Variants in KIF20A observed in about 807,000 individuals in gnomAD.
The protein encoded by KIF20A is kinesin family member 20A.
In KIF20A, 66 loss-of-function variants were observed where a neutral mutation model predicts 113.0. The ratio of observed to expected loss-of-function variants is 0.58; its 90% CI spans 0.48 to 0.72. The LOEUF (loss-of-function observed/expected upper bound fraction) is 0.72. Among genes scored for constraint, KIF20A ranks in the 30% least tolerant of loss-of-function variants. KIF20A has a pLI of 0.00. For synonymous variants in KIF20A, 376 were observed against 402.3 expected (o/e 0.93, Z 0.78); for missense variants, 927 against 1,077.6 (o/e 0.86, Z 1.96).
In KIF20A at chr5:138,183,041, G is replaced by A. The variant is rs374368372; in HGVS notation, c.832+51G>A. ...AAAAAATAGTAGGAACTCACTCCCT[G>A]TTCCTAATAGCTGCCAGGAGTACAG... On this transcript the variant is annotated intron_variant, in intron 7 of 18. Transcript: ENST00000394894. The surrounding 1 kb of genome is among the most constrained non-coding windows in gnomAD (Gnocchi z 5.2). 6.2e-7 allele frequency: 1 copy of A among 1,612,064 alleles called. No individual in the cohort carries two copies. The highest frequency in any genetic ancestry group is 8.5e-7 in the Non-Finnish European group (1 of 1,178,774).
intron 12 of KIF20A, 48 bp from the exon 13 acceptor site, chr5:138,184,461 GCTC>G (rs1184113061): frequency 6.2e-7 from 1 of 1,611,110 alleles, no homozygotes; most frequent in Non-Finnish European, 8.5e-7. Flanking sequence ...CTCTAAGAAA[GCTC>G]CTAGGGACTA....
Position 138,179,771 on chromosome 5 carries a change from T to C in KIF20A, c.91T>C (p.Leu31=), listed in dbSNP as rs1173952277. ...SPMFESTAAD[L]GSVVRKNLLS... ...CATGTTTGAGTCCACAGCTGCAGAT[T>C]TGGGGTCTGTGGTACGCAAGAACCT... is the stretch of plus-strand genomic sequence containing the variant. The change falls in exon 2 of 19, where the codon TTG becomes CTG. Residue 31 remains leucine (L), a synonymous_variant. Transcript: ENST00000394894. 14 of 1,614,060 alleles carry C rather than the reference T, an allele frequency of 8.7e-6. No homozygotes were observed. The highest frequency in any genetic ancestry group is 1.1e-5 in the Non-Finnish European group (13 of 1,180,006).
chr5:138,183,904 G>A lies in KIF20A; in HGVS notation c.1209-58G>A. The A allele has an allele frequency of 1.9e-6, 3 of 1,608,972 alleles. No homozygotes were observed. Among genetic ancestry groups the A allele is most frequent in the Non-Finnish European group, 2.5e-6 (3 of 1,176,640 alleles). On this transcript the variant is annotated intron_variant, in intron 10 of 18. Transcript: ENST00000394894. The surrounding 1 kb of genome is among the most constrained non-coding windows in gnomAD (Gnocchi z 5.2). Reference sequence around the variant, plus strand: ...CGTCCCCTCTCCAGAATTATACAAAGGGCCAGAAGGCTCATAACATGTGAG... The same window carrying A: ...CGTCCCCTCTCCAGAATTATACAAAAGGCCAGAAGGCTCATAACATGTGAG...
At chr5:138,187,034 C>A in intron 18 of KIF20A, 62 bp from the exon 19 acceptor site, 4 of 1,254,678 alleles carry the variant, frequency 3.2e-6, no homozygotes, top group Non-Finnish European at 4.5e-6. Context: ...TACCCTTAGC[C>A]CTCTCGTTTC....
intron 5 of KIF20A, 49 bp from the exon 6 acceptor site, chr5:138,182,536 AG>A: frequency 6.2e-7 from 1 of 1,612,816 alleles, no homozygotes; most frequent in Non-Finnish European, 8.5e-7. Context: ...ACTCTGAGTT[AG>A]GGGGAGAAGG....
In KIF20A at chr5:138,183,603, A is replaced by C. The variant is rs1036624069; in HGVS notation, c.1139+22A>C. The C allele has an allele frequency of 6.2e-7, 1 of 1,610,780 alleles. No individual in the cohort carries two copies. Among genetic ancestry groups the C allele is most frequent in the East Asian group, 2.2e-5 (1 of 44,838 alleles). ...GCAGGTGAGTAGATTGTAAGAATAAACTCTTCACTGTGTTCCAGGAAACAT... is the reference window on the plus strand; with the variant it reads ...GCAGGTGAGTAGATTGTAAGAATAACCTCTTCACTGTGTTCCAGGAAACAT... On this transcript the variant is annotated intron_variant, in intron 9 of 18. Coordinates refer to ENST00000394894, the MANE Select transcript of KIF20A (RefSeq NM_005733.3). This position sits in a 1 kb window ranked among gnomAD's most constrained non-coding sequence, Gnocchi z 5.2.
rs1367551049 is a variant in KIF20A, at chr5:138,183,488, T to C, written c.1046T>C (p.Val349Ala). Reference sequence around the variant, plus strand: ...GCCCCAGATCTCAACTGGATTCATGTGCAAGATGCTGAGGAGGCCTGGAAG... The same window carrying C: ...GCCCCAGATCTCAACTGGATTCATGCGCAAGATGCTGAGGAGGCCTGGAAG... ...PYVKDLNWIH[V>A]QDAEEAWKLL... The change falls in exon 9 of 19, where the codon GTG becomes GCG. Residue 349 changes from valine (V) to alanine (A), a missense_variant. Transcript: ENST00000394894. This position sits in a 1 kb window ranked among gnomAD's most constrained non-coding sequence, Gnocchi z 5.2. 6.2e-7 allele frequency: 1 copy of C among 1,614,150 alleles called. No individual in the cohort carries two copies. Among genetic ancestry groups the C allele is most frequent in the South Asian group, 1.1e-5 (1 of 91,084 alleles).
rs1403855402 is a variant in KIF20A at position 138,181,726 on chromosome 5, C to A, written c.373C>A (p.Gln125Lys). 4 of 1,613,562 alleles carry A rather than the reference C, an allele frequency of 2.5e-6. No individual in the cohort carries two copies. Among genetic ancestry groups the A allele is most frequent in the Non-Finnish European group, 3.4e-6 (4 of 1,180,024 alleles). The change falls in exon 4 of 19, where the codon CAG (glutamine) becomes AAG (lysine). Residue 125 changes from glutamine to lysine, a missense_variant and splice_region_variant. Coordinates refer to ENST00000394894, the MANE Select transcript of KIF20A (RefSeq NM_005733.3). Reference sequence around the variant, plus strand: ...AGCCACACACAGGTTCACCTTTTCCCAGGTATGGAGGGTACTGGTTTGTGA... The same window carrying A: ...AGCCACACACAGGTTCACCTTTTCCAAGGTATGGAGGGTACTGGTTTGTGA... ...GQATHRFTFS[Q>K]IFGPEVGQAS...
chr5:138,180,769 G>T (rs1033448438), intron 2 of KIF20A, among the ~76,000 whole-genome samples: 2 of 152,064 alleles, frequency 1.3e-5, no homozygotes, highest in Non-Finnish European at 2.9e-5. Flanking sequence ...TCCGCCTCCC[G>T]GGTTCAAGCA....
At position 138,183,753 on chromosome 5, in the gene KIF20A, G is replaced by T. The variant is rs1754699084; in HGVS notation, c.1205G>T (p.Ser402Ile). ...GAAGGAGATATAGTCCCCAAGATCA[G>T]CGAGTAAGTTTATCCATTTAGAAAT... ...QGEGDIVPKI[S>I]ELSLCDLAGS... Residue 402 changes from serine (S) to isoleucine (I), a missense_variant, in exon 10 of 19, where the codon AGC (serine) becomes ATC (isoleucine). Transcript: ENST00000394894. This position sits in a 1 kb window ranked among gnomAD's most constrained non-coding sequence, Gnocchi z 5.2. 29 of 1,613,008 alleles carry T rather than the reference G, an allele frequency of 1.8e-5. No homozygotes were observed. Among genetic ancestry groups the T allele is most frequent in the Non-Finnish European group, 2.5e-5 (29 of 1,179,108 alleles).
rs1250237033 is a variant in KIF20A at position 138,184,341 on chromosome 5, T to A, written c.1455T>A (p.Asn485Lys). 3.7e-6 allele frequency: 6 copies of A among 1,614,076 alleles called. No homozygotes were observed. In the South Asian group the frequency reaches 6.6e-5, roughly 18 times the overall value. Residue 485 changes from asparagine (N) to lysine (K), a missense_variant, in exon 12 of 19, where the codon AAT (asparagine) becomes AAA (lysine). Physicochemically the swap from Asn to Lys is moderately conservative, Grantham distance 94. Transcript: ENST00000394894. ...GTTCCTGCATGATTGTCAATGTGAA[T>A]CCCTGTGCATCTACCTATGATGAAA... ...RGRSCMIVNV[N>K]PCASTYDETL...
In KIF20A at chr5:138,187,610, T is replaced by C; in HGVS notation, c.*197T>C. The C allele has an allele frequency of 4.2e-6, 2 of 477,194 alleles. No homozygotes were observed. Among genetic ancestry groups the C allele is most frequent in the Middle Eastern group, 5.5e-4 (1 of 1,810 alleles). The allele number at this position is 477,194 out of a possible 1,614,324, so 29.6% of individuals were successfully genotyped here. A position where few individuals can be genotyped will look rare whatever the true frequency, so the allele number is the denominator to read the frequency against. ...GTTGTTGTTTTTTTTTATTTACTTA[T>C]ATGATTTCTATGCACACAAAAACAG... On this transcript the variant is annotated 3_prime_UTR_variant, in exon 19 of 19. Transcript: ENST00000394894.
rs1754587212 is a variant in KIF20A, at chr5:138,179,214, G to A, written c.-22+12G>A. 2 of 194,202 alleles carry A rather than the reference G, an allele frequency of 1.0e-5. No individual in the cohort carries two copies. The highest frequency in any genetic ancestry group is 8.3e-5 in the South Asian group (1 of 12,090). The allele number at this position is 194,202 out of a possible 1,614,324, so 12.0% of individuals were successfully genotyped here. Reference sequence around the variant, plus strand: ...TGGCACGTCTTCGGGTGAGTGTGCGGCTGTGCTGGAGCCCGGGTTACCAGC... The same window carrying A: ...TGGCACGTCTTCGGGTGAGTGTGCGACTGTGCTGGAGCCCGGGTTACCAGC... On this transcript the variant is annotated intron_variant, in intron 1 of 18. Coordinates refer to ENST00000394894, the MANE Select transcript of KIF20A (RefSeq NM_005733.3).
In KIF20A at chr5:138,187,554, T is replaced by A. The variant is rs1754767036; in HGVS notation, c.*141T>A. The A allele has an allele frequency of 1.5e-6, 1 of 667,040 alleles. No homozygotes were observed. 41.3% of individuals were successfully genotyped at this position (667,040 alleles called of 1,614,324 possible). On this transcript the variant is annotated 3_prime_UTR_variant, in exon 19 of 19. Coordinates refer to ENST00000394894, the MANE Select transcript of KIF20A (RefSeq NM_005733.3). ...ACTCAGACACTAGCTTTTTTCTCAC[T>A]TTTGTATTATAACCACCTATGTAAT...
At position 138,181,320 on chromosome 5, in the gene KIF20A, T is replaced by C. The variant is rs1179310396; in HGVS notation, c.166-102T>C. Reference sequence around the variant, plus strand: ...CTGCACAGAGACATTTGAGGTGAAATGGGGTAGTGTTATCATAGTTCCTAG... The same window carrying C: ...CTGCACAGAGACATTTGAGGTGAAACGGGGTAGTGTTATCATAGTTCCTAG... On this transcript the variant is annotated intron_variant, in intron 2 of 18. Coordinates refer to ENST00000394894, the MANE Select transcript of KIF20A (RefSeq NM_005733.3). The C allele has an allele frequency of 1.2e-5, 10 of 862,876 alleles. No homozygotes were observed. In the East Asian group the frequency reaches 2.4e-4, roughly 21 times the overall value. 53.5% of individuals were successfully genotyped at this position (862,876 alleles called of 1,614,324 possible). A position where few individuals can be genotyped will look rare whatever the true frequency, so the allele number is the denominator to read the frequency against.
intron 18 of KIF20A, 52 bp downstream of exon 18, chr5:138,186,483 T>C (rs775823509): frequency 2.6e-6 from 4 of 1,557,394 alleles, no homozygotes; most frequent in Admixed American, 4.5e-5. Flanking sequence ...CTCCAGTGTA[T>C]ATGTGAGAAA....
Position 138,184,524 on chromosome 5 carries a change from C to G in KIF20A, c.1531C>G (p.Pro511Ala). 6.2e-7 allele frequency: 1 copy of G among 1,613,744 alleles called. No individual in the cohort carries two copies. The highest frequency in any genetic ancestry group is 2.2e-5 in the East Asian group (1 of 44,866). Residue 511 changes from proline (P) to alanine (A), a missense_variant, in exon 13 of 19, where the codon CCA becomes GCA. Physicochemically the swap from Pro to Ala is conservative, Grantham distance 27. Transcript: ENST00000394894. ...TTTTTCCCTCTAGCTTGTGCATGCC[C>G]CACCTATGCAACTGGGATTCCCATC... is the stretch of plus-strand genomic sequence containing the variant. ...SAIASQLVHA[P>A]PMQLGFPSLH...
chr5:138,183,769 A>G lies in KIF20A; in HGVS notation c.1208+13A>G. On this transcript the variant is annotated intron_variant, in intron 10 of 18. Coordinates refer to ENST00000394894, the MANE Select transcript of KIF20A (RefSeq NM_005733.3). The surrounding 1 kb of genome is among the most constrained non-coding windows in gnomAD (Gnocchi z 5.2). ...CCAAGATCAGCGAGTAAGTTTATCC[A>G]TTTAGAAATTTGGGCTTCTTGGCCA... 1 of 1,611,078 alleles carries G rather than the reference A, an allele frequency of 6.2e-7. No individual in the cohort carries two copies. Among genetic ancestry groups the G allele is most frequent in the Non-Finnish European group, 8.5e-7 (1 of 1,177,472 alleles).
In KIF20A at chr5:138,183,887, C is replaced by G; in HGVS notation, c.1209-75C>G. ...AGAGATTCTTAGTGGGCCGTCCCCTCTCCAGAATTATACAAAGGGCCAGAA... is the reference window on the plus strand; with the variant it reads ...AGAGATTCTTAGTGGGCCGTCCCCTGTCCAGAATTATACAAAGGGCCAGAA... On this transcript the variant is annotated intron_variant, in intron 10 of 18. Transcript: ENST00000394894. This position sits in a 1 kb window ranked among gnomAD's most constrained non-coding sequence, Gnocchi z 5.2. 1.2e-6 allele frequency: 2 copies of G among 1,602,556 alleles called. No homozygotes were observed. Among genetic ancestry groups the G allele is most frequent in the South Asian group, 1.1e-5 (1 of 90,320 alleles).
Sources: allele counts gnomAD v4.1 joint callset (sites outside exome capture counted in the v4.1 genomes callset), GRCh38; gene constraint gnomAD v4.1.1; non-coding constraint Gnocchi (gnomAD v3.1); transcripts MANE v1.5; gene names NCBI Gene and HGNC (gene_info 2026-07-23, HGNC 2026-07-21).